The following MYOF variants were observed in gnomAD, a reference collection of about 807,000 sequenced individuals.
The protein encoded by MYOF is fer-1-like 3, myoferlin.
MYOF carries 244 observed loss-of-function variants against 284.2 expected under a neutral mutation model. The ratio of observed to expected loss-of-function variants is 0.86; its 90% CI spans 0.77 to 0.95. The LOEUF (loss-of-function observed/expected upper bound fraction) is 0.95, where lower values mean the gene tolerates loss of function less well. Ranked by LOEUF, MYOF falls within the 40% of genes least tolerant of loss-of-function variation. MYOF has a pLI of 0.00. For missense variants in MYOF, 2,496 were observed against 2,560.6 expected (o/e 0.97, Z 0.54); for synonymous variants, 904 against 919.7 (o/e 0.98, Z 0.31).
At chr10:93,450,589 T>C (rs1193171199) in intron 3 of MYOF, among the ~76,000 whole-genome samples, 2 of 151,916 alleles carry the variant, frequency 1.3e-5, no homozygotes, top group South Asian at 2.1e-4. Flanking sequence ...CAAAAAATAA[T>C]AATAATTTAC....
chr10:93,403,185 A>G (rs1589512760), intron 9 of MYOF, among the ~76,000 whole-genome samples: 1 of 152,116 alleles, frequency 6.6e-6, no homozygotes, highest in African/African-American at 2.4e-5. Flanking sequence ...CAGTTTTACC[A>G]CTAAAGTCCC....
At chr10:93,472,122 ACT>A (rs2057160965) in intron 1 of MYOF, among the ~76,000 whole-genome samples, 1 of 152,142 alleles carries the variant, frequency 6.6e-6, no homozygotes, top group African/African-American at 2.4e-5. Context: ...CCTGCTGATC[ACT>A]GAGGACGAGG....
rs33970988 is a variant in MYOF, at chr10:93,394,448, C to CTTTTTTTTTTTTTTTTTTTTTTTT, written c.1418-1517_1418-1494dup. On this transcript the variant is annotated intron_variant, in intron 16 of 53. Coordinates refer to ENST00000359263, the MANE Select transcript of MYOF (RefSeq NM_013451.4). ...ATATCTCCTTTGGTCACCATCTTGT[C>CTTTTTTTTTTTTTTTTTTTTTTTT]TTTTTTTTTTTTTTTTTTTTTTTTT... Among the ~76,000 whole-genome samples the CTTTTTTTTTTTTTTTTTTTTTTTT allele has an allele frequency of 8.0e-4, 23 of 28,698 alleles. 10 individuals are homozygous for CTTTTTTTTTTTTTTTTTTTTTTTT. The highest frequency in any genetic ancestry group is 1.2e-3 in the Non-Finnish European group (19 of 15,346). 18.8% of individuals were successfully genotyped at this position (28,698 alleles called of 152,430 possible).
At chr10:93,363,290 T>C (rs1388570734) in intron 27 of MYOF, among the ~76,000 whole-genome samples, 2 of 152,216 alleles carry the variant, frequency 1.3e-5, no homozygotes, top group African/African-American at 4.8e-5. Flanking sequence ...GAGTGGAATA[T>C]GGATTGGGGA....
intron 3 of MYOF, among the ~76,000 whole-genome samples, chr10:93,441,256 A>C (rs893053160): frequency 6.6e-6 from 1 of 152,252 alleles, no homozygotes. Context: ...GCTTAAAGAC[A>C]AGGTATTTCA....
Position 93,377,437 on chromosome 10 carries a change from A to G in MYOF, c.2002-8T>C, listed in dbSNP as rs749436536. On this transcript the variant is annotated splice_polypyrimidine_tract_variant and splice_region_variant and intron_variant, in intron 21 of 53. Coordinates refer to ENST00000359263, the MANE Select transcript of MYOF (RefSeq NM_013451.4). ...AGCTTCTATATTTGTTTGCTGAAGA[A>G]TTTGAAAAGAGAGGAAATAATTGAT... is the stretch of plus-strand genomic sequence containing the variant. 1 of 1,583,730 alleles carries G rather than the reference A, an allele frequency of 6.3e-7. No individual in the cohort carries two copies.
rs755918390 is a variant in MYOF at position 93,333,775 on chromosome 10, GGGGCTGGAGCTCTAAGC to G, written c.4685_4701del (p.Gly1562AlafsTer8). The G allele has an allele frequency of 6.2e-7, 1 of 1,614,146 alleles. No homozygotes were observed. Among genetic ancestry groups the G allele is most frequent in the Admixed American group, 1.7e-5 (1 of 60,018 alleles). On this transcript the variant is annotated frameshift_variant, in exon 42 of 54. Transcript: ENST00000359263. LOFTEE classifies it high-confidence loss of function. ...ACTCTTACCAGGCCATTGTTGTCCT[GGGGCTGGAGCTCTAAGC>G]CTCGAACAATGTAAATCCTAACCGT...
intron 21 of MYOF, among the ~76,000 whole-genome samples, chr10:93,378,032 T>C (rs373479097): frequency 6.6e-4 from 100 of 152,360 alleles, no homozygotes; most frequent in African/African-American, 2.3e-3. Flanking sequence ...ATTTCAGTAG[T>C]AGTGAGCACT....
intron 38 of MYOF, 96 bp downstream of exon 38, chr10:93,343,760 C>T: frequency 1.6e-6 from 2 of 1,285,066 alleles, no homozygotes; most frequent in South Asian, 2.4e-5. Context: ...ATTATAATTG[C>T]AACAAACTGT....
chr10:93,406,797 T>C (rs1847613509), intron 7 of MYOF, among the ~76,000 whole-genome samples: 1 of 150,918 alleles, frequency 6.6e-6, no homozygotes, highest in African/African-American at 2.4e-5. Flanking sequence ...GAGGAAGAAA[T>C]AGAAACGCGG....
intron 7 of MYOF, among the ~76,000 whole-genome samples, chr10:93,404,864 T>C (rs1264629832): frequency 6.6e-6 from 1 of 152,226 alleles, no homozygotes; most frequent in East Asian, 1.9e-4. Flanking sequence ...AAAGTCAATA[T>C]TGACCACATT....
intron 48 of MYOF, 92 bp downstream of exon 48, chr10:93,322,986 A>G: frequency 7.8e-7 from 1 of 1,283,212 alleles, no homozygotes; most frequent in Non-Finnish European, 1.1e-6. Context: ...AAAACCAAGA[A>G]TCCTATCTTG....
At position 93,373,097 on chromosome 10, in the gene MYOF, G is replaced by A. The variant is rs768128872; in HGVS notation, c.2302-12C>T. ...ATGCTGTTCTGTGGCTGGTCATGAG[G>A]ATTGGATGGAAGAGGAAGCACAGCC... On this transcript the variant is annotated splice_polypyrimidine_tract_variant and intron_variant, in intron 23 of 53. Coordinates refer to ENST00000359263, the MANE Select transcript of MYOF (RefSeq NM_013451.4). 6 of 1,614,120 alleles carry A rather than the reference G, an allele frequency of 3.7e-6. No individual in the cohort carries two copies. The South Asian group carries it at 6.6e-5, about 18-fold the overall frequency.
rs112600416 is a variant in MYOF, at chr10:93,381,471, G to A, written c.1699-75C>T. 211 of 1,431,598 alleles carry A rather than the reference G, an allele frequency of 1.5e-4. 7 individuals carry two copies. Among genetic ancestry groups the A allele is most frequent in the African/African-American group, 1.4e-3 (99 of 71,396 alleles). The allele number at this position is 1,431,598 out of a possible 1,614,324, so 88.7% of individuals were successfully genotyped here. On this transcript the variant is annotated intron_variant, in intron 19 of 53. Coordinates refer to ENST00000359263, the MANE Select transcript of MYOF (RefSeq NM_013451.4). ...ATTTACATGTGGATTTCTAGGAGAC[G>A]CAATTCTACACCTAATAATTAGTGC...
At chr10:93,434,528 G>C (rs1399166568) in intron 3 of MYOF, among the ~76,000 whole-genome samples, 1 of 151,548 alleles carries the variant, frequency 6.6e-6, no homozygotes, top group Non-Finnish European at 1.5e-5. Context: ...AGCCCTTTTT[G>C]GTCAATACAG....
chr10:93,383,981 T>A (rs1490103440), intron 19 of MYOF, among the ~76,000 whole-genome samples: 1 of 152,110 alleles, frequency 6.6e-6, no homozygotes, highest in Non-Finnish European at 1.5e-5. Context: ...ACCCACAGAA[T>A]CCCTGATAGG....
intron 36 of MYOF, among the ~76,000 whole-genome samples, chr10:93,349,475 G>A (rs1844399557): frequency 6.6e-6 from 1 of 152,198 alleles, no homozygotes; most frequent in African/African-American, 2.4e-5. Flanking sequence ...GGGTATATCT[G>A]GTCCATGCAT....
chr10:93,397,549 T>C, intron 13 of MYOF, 93 bp from the exon 14 acceptor site: 1 of 858,896 alleles, frequency 1.2e-6, no homozygotes, highest in Non-Finnish European at 1.8e-6. Context: ...CTTTAGCAGT[T>C]TACTTATATA....
intron 12 of MYOF, 60 bp from the exon 13 acceptor site, chr10:93,399,555 T>A: frequency 8.0e-7 from 1 of 1,256,438 alleles, no homozygotes; most frequent in Non-Finnish European, 1.1e-6. Flanking sequence ...TTGGCAAAAT[T>A]TTAAAAGTTC....
Sources: gnomAD v4.1 joint callset for allele counts (sites outside exome capture counted in the v4.1 genomes callset) on GRCh38, gnomAD v4.1.1 for gene constraint, MANE v1.5 for transcripts, NCBI Gene and HGNC (gene_info 2026-07-23, HGNC 2026-07-21) for gene names.